Variants in TRIM49 observed in about 807,000 individuals in gnomAD.
TRIM49 encodes tripartite motif-containing protein 49.
TRIM49 carries 5 observed loss-of-function variants against 27.4 expected under a neutral mutation model. The observed-to-expected ratio is 0.18, with a 90% CI of 0.10 to 0.38. The LOEUF is 0.38. Among genes scored for constraint, TRIM49 ranks in the 10% least tolerant of loss-of-function variants. TRIM49 has a pLI of 1.00. For synonymous variants in TRIM49, 69 were observed against 166.0 expected, an observed-to-expected ratio of 0.42 and a Z score of 4.49; for missense variants, 188 against 487.5, an observed-to-expected ratio of 0.39 and a Z score of 5.79.
At chr11:89,802,802 C>G (rs1949749212) in intron 4 of TRIM49, among the ~76,000 whole-genome samples, 1 of 150,490 alleles carries the variant, frequency 6.6e-6, no homozygotes, top group African/African-American at 2.5e-5. Flanking sequence ...TTGTCCTTTT[C>G]TACTTCCCTG....
At chr11:89,800,268 GT>G (rs1188308774) in intron 6 of TRIM49, among the ~76,000 whole-genome samples, 2 of 151,408 alleles carry the variant, frequency 1.3e-5, no homozygotes, top group South Asian at 2.1e-4. Flanking sequence ...ACACTCCACA[GT>G]TTTTTTCAAT....
rs1328358009 is a variant in TRIM49 at position 89,805,714 on chromosome 11, T to G, written c.-4-1241A>C. Among the ~76,000 whole-genome samples the G allele has an allele frequency of 7.7e-5, 10 of 129,138 alleles. 1 individual carries two copies. Among genetic ancestry groups the G allele is most frequent in the African/African-American group, 2.5e-4 (6 of 24,298 alleles). 84.7% of individuals were successfully genotyped at this position (129,138 alleles called of 152,430 possible). ...TGAGAAATGTGTCAGGTGTTTTTAG[T>G]TTTTTTTTGTTTTTTTTTTTTGAGA... On this transcript the variant is annotated intron_variant, in intron 2 of 7. Coordinates refer to ENST00000329758, the MANE Select transcript of TRIM49 (RefSeq NM_020358.2).
downstream of TRIM49, among the ~76,000 whole-genome samples, chr11:89,793,406 C>A (rs1949668303): frequency 6.6e-6 from 1 of 151,988 alleles, no homozygotes; most frequent in South Asian, 2.1e-4. Context: ...ATCCTGATAC[C>A]AAAGCTAGGC....
At chr11:89,768,769 C>T in the TRIM49 span, 7 of 501,432 alleles carry the variant, frequency 1.4e-5, 1 homozygote, top group Non-Finnish European at 2.8e-5. Flanking sequence ...ATGTTTTTCA[C>T]AGCACGCCTT....
chr11:89,806,339 T>C (rs373003188), intron 2 of TRIM49, among the ~76,000 whole-genome samples: 3,286 of 150,266 alleles, frequency 0.022, 66 homozygotes, highest in South Asian at 0.032. Flanking sequence ...TATGGTTCTG[T>C]CTGGAGAACC....
At chr11:89,773,127 G>A in the TRIM49 span, among the ~76,000 whole-genome samples, 1 of 136,394 alleles carries the variant, frequency 7.3e-6, no homozygotes, top group Non-Finnish European at 1.5e-5. Flanking sequence ...GGAGGCAGAG[G>A]TTGCAGTGAG....
chr11:89,801,092 C>G (rs1303399336), intron 5 of TRIM49, 104 bp from the exon 6 acceptor site: 1 of 1,446,180 alleles, frequency 6.9e-7, no homozygotes, highest in East Asian at 2.4e-5. Context: ...TATTATTTCC[C>G]TACCATCTTC....
At chr11:89,785,024 T>A in the TRIM49 span, among the ~76,000 whole-genome samples, 1 of 150,204 alleles carries the variant, frequency 6.7e-6, no homozygotes, top group Non-Finnish European at 1.5e-5. Flanking sequence ...AAGAACATTG[T>A]CAATCATTAA....
At chr11:89,787,886 G>A in the TRIM49 span, 7 of 414,912 alleles carry the variant, frequency 1.7e-5, no homozygotes, top group East Asian at 1.4e-4. Flanking sequence ...GGGCAAGGCC[G>A]CGGGGCTGGG....
the TRIM49 span, among the ~76,000 whole-genome samples, chr11:89,767,278 A>G: frequency 7.1e-6 from 1 of 140,964 alleles, no homozygotes; most frequent in South Asian, 2.2e-4. Flanking sequence ...CTCAAAAAGC[A>G]TAAAGGGGAG....
intron 1 of TRIM49, among the ~76,000 whole-genome samples, chr11:89,807,791 C>T (rs1369851864): frequency 6.7e-5 from 10 of 150,252 alleles, no homozygotes; most frequent in Non-Finnish European, 1.5e-4. Flanking sequence ...TGGTCTCGGC[C>T]TTCCAAAGTG....
Position 89,798,122 on chromosome 11 carries a change from G to A in TRIM49, c.*8C>T, listed in dbSNP as rs747125348. On this transcript the variant is annotated 3_prime_UTR_variant, in exon 8 of 8. Transcript: ENST00000329758. ...CAGCATGTGAACACATTTCTGATTT[G>A]TCTCTGGTCAGAAGTGAATACAGCA... 1 of 1,369,668 alleles carries A rather than the reference G, an allele frequency of 7.3e-7. No individual in the cohort carries two copies. Among genetic ancestry groups the A allele is most frequent in the South Asian group, 1.4e-5 (1 of 73,824 alleles). 84.8% of individuals were successfully genotyped at this position (1,369,668 alleles called of 1,614,324 possible).
At chr11:89,789,512 C>T in the TRIM49 span, 8 of 145,120 alleles carry the variant, frequency 5.5e-5, 1 homozygote, top group South Asian at 1.8e-3. Flanking sequence ...TCCTAAAGCT[C>T]CATTGGTGAC....
In TRIM49 at chr11:89,806,071, G is replaced by A. The variant is rs897710123; in HGVS notation, c.-5+1028C>T. Among the ~76,000 whole-genome samples, 168 of 149,956 alleles carry A rather than the reference G, an allele frequency of 1.1e-3. 8 individuals carry two copies. Among genetic ancestry groups the A allele is most frequent in the African/African-American group, 4.1e-3 (162 of 39,896 alleles). The stretch of plus-strand genomic sequence containing the variant: ...AGAATATACCACACAAATCTAGATG[G>A]TATAGCCTACTACACCTATGGTATA... On this transcript the variant is annotated intron_variant, in intron 2 of 7. Coordinates refer to ENST00000329758, the MANE Select transcript of TRIM49 (RefSeq NM_020358.2).
chr11:89,807,795 C>T (rs1480108609), intron 1 of TRIM49, among the ~76,000 whole-genome samples: 1 of 150,138 alleles, frequency 6.7e-6, no homozygotes, highest in Admixed American at 6.6e-5. Context: ...CTCGGCCTTC[C>T]AAAGTGCTAA....
At chr11:89,793,152 G>A (rs1949666594), downstream of TRIM49, among the ~76,000 whole-genome samples, 1 of 151,704 alleles carries the variant, frequency 6.6e-6, no homozygotes, top group Non-Finnish European at 1.5e-5. Context: ...TAGAAGAAAT[G>A]GACACATACA....
At chr11:89,795,887 A>AT (rs1304426945), downstream of TRIM49, among the ~76,000 whole-genome samples, 2 of 72,392 alleles carry the variant, frequency 2.8e-5, no homozygotes, top group African/African-American at 2.1e-4. Context: ...AAGTATAATG[A>AT]AAAAAAAAAT....
the TRIM49 span, among the ~76,000 whole-genome samples, chr11:89,790,694 T>C: frequency 6.6e-6 from 1 of 151,998 alleles, no homozygotes; most frequent in African/African-American, 2.4e-5. Flanking sequence ...GGGTCCTGAC[T>C]GTTAGAAGGA....
chr11:89,805,722 TG>T (rs1223635614), intron 2 of TRIM49, among the ~76,000 whole-genome samples: 2 of 132,218 alleles, frequency 1.5e-5, no homozygotes, highest in African/African-American at 3.8e-5. Flanking sequence ...AGTTTTTTTT[TG>T]TTTTTTTTTT....
Sources: gnomAD v4.1 joint callset for allele counts (sites outside exome capture counted in the v4.1 genomes callset) on GRCh38, gnomAD v4.1.1 for gene constraint, MANE v1.5 for transcripts, NCBI Gene and HGNC (gene_info 2026-07-23, HGNC 2026-07-21) for gene names.